Variants in MMP16 observed in about 807,000 individuals in gnomAD.
MMP16 encodes matrix metalloproteinase-16.
MMP16 carries 12 observed loss-of-function variants against 67.8 expected under a neutral mutation model. The ratio of observed to expected loss-of-function variants is 0.18; its 90% CI spans 0.11 to 0.29. The LOEUF is 0.29. MMP16 is among the 10% of genes least tolerant of loss of function. MMP16 has a pLI of 1.00. For synonymous variants in MMP16, 249 were observed against 255.9 expected (o/e 0.97, Z 0.26); for missense variants, 475 against 765.7 (o/e 0.62, Z 4.48).
intron 7 of MMP16, among the ~76,000 whole-genome samples, chr8:88,059,531 C>T (rs563704206): frequency 6.6e-5 from 10 of 152,154 alleles, no homozygotes; most frequent in African/African-American, 1.9e-4. Flanking sequence ...ACTAGTTATT[C>T]GTGGCTGACA....
chr8:88,160,529 A>G (rs1303483253), intron 4 of MMP16, among the ~76,000 whole-genome samples: 1 of 152,114 alleles, frequency 6.6e-6, no homozygotes, highest in Non-Finnish European at 1.5e-5. Flanking sequence ...AACACATGAA[A>G]AAATGCTCAC....
chr8:88,191,698 C>CATTAG (rs1809171870), intron 2 of MMP16, among the ~76,000 whole-genome samples: 2 of 152,112 alleles, frequency 1.3e-5, no homozygotes, highest in Admixed American at 6.6e-5. Flanking sequence ...TGAAAGTGTC[C>CATTAG]ATTAGCTTCA....
chr8:88,311,386 T>C (rs545306869), intron 1 of MMP16, among the ~76,000 whole-genome samples: 1 of 152,284 alleles, frequency 6.6e-6, no homozygotes, highest in South Asian at 2.1e-4. Context: ...GCCTTTTTAC[T>C]CTCATTCACT....
intron 1 of MMP16, among the ~76,000 whole-genome samples, chr8:88,289,131 G>C (rs949665188): frequency 7.3e-5 from 11 of 151,652 alleles, no homozygotes; most frequent in African/African-American, 2.4e-4. Context: ...CAGAGACAGA[G>C]ACAGAGAGAG....
intron 1 of MMP16, among the ~76,000 whole-genome samples, chr8:88,325,685 C>G (rs562766549): frequency 6.6e-6 from 1 of 152,262 alleles, no homozygotes; most frequent in East Asian, 1.9e-4. Flanking sequence ...CTCTTTTTAT[C>G]TAGAAAAATA....
At chr8:88,065,266 ATGT>A (rs1374561916) in intron 7 of MMP16, among the ~76,000 whole-genome samples, 2 of 152,108 alleles carry the variant, frequency 1.3e-5, no homozygotes, top group East Asian at 3.9e-4. Flanking sequence ...AAACAAAGTG[ATGT>A]TATAACAGTT....
chr8:88,320,220 A>T lies in MMP16; in HGVS notation c.132+6855T>A, dbSNP rs186562069. On this transcript the variant is annotated intron_variant, in intron 1 of 9. Transcript: ENST00000286614. ...GGATTTTAAACTCTGCTTTCATTGA[A>T]AAGTATTTATTCAATAAGGACTCAT... Among the ~76,000 whole-genome samples the T allele has an allele frequency of 1.2e-3, 190 of 152,316 alleles. 2 individuals are homozygous for T. The highest frequency in any genetic ancestry group is 4.2e-3 in the African/African-American group (175 of 41,570).
At chr8:88,282,449 G>C (rs2129997312) in intron 1 of MMP16, among the ~76,000 whole-genome samples, 1 of 152,304 alleles carries the variant, frequency 6.6e-6, no homozygotes, top group East Asian at 1.9e-4. Context: ...TAATTCAATA[G>C]AATCTATGAG....
chr8:88,080,567 C>T (rs576802772), intron 6 of MMP16, among the ~76,000 whole-genome samples: 3 of 152,224 alleles, frequency 2.0e-5, no homozygotes, highest in African/African-American at 7.2e-5. Context: ...TCCTGAGTAG[C>T]TGGAACTACA....
chr8:88,310,859 C>A (rs1009846547), intron 1 of MMP16, among the ~76,000 whole-genome samples: 2 of 152,058 alleles, frequency 1.3e-5, no homozygotes, highest in Non-Finnish European at 2.9e-5. Context: ...TATTTCTAGA[C>A]ACAGGAAGAC....
intron 3 of MMP16, among the ~76,000 whole-genome samples, chr8:88,169,261 T>G (rs1277174587): frequency 6.6e-6 from 1 of 152,196 alleles, no homozygotes; most frequent in Non-Finnish European, 1.5e-5. Context: ...CATATTATAT[T>G]TTTAACCTGA....
chr8:88,135,623 A>G (rs979465580), intron 4 of MMP16, among the ~76,000 whole-genome samples: 2 of 151,886 alleles, frequency 1.3e-5, no homozygotes, highest in Non-Finnish European at 2.9e-5. Flanking sequence ...GTCATGGATG[A>G]CATAACAGAC....
At position 88,240,751 on chromosome 8, in the gene MMP16, T is replaced by G. The variant is rs139911665; in HGVS notation, c.133-43445A>C. Among the ~76,000 whole-genome samples the G allele has an allele frequency of 2.6e-3, 397 of 152,216 alleles. 2 individuals carry two copies. Among genetic ancestry groups the G allele is most frequent in the African/African-American group, 9.0e-3 (373 of 41,544 alleles). ...TATTGGCATAAAGGTGATCAAAATA[T>G]CCTCTTATCATTAGTTCCACATCTA... On this transcript the variant is annotated intron_variant, in intron 1 of 9. Coordinates refer to ENST00000286614, the MANE Select transcript of MMP16 (RefSeq NM_005941.5).
chr8:88,311,836 T>C (rs1356885746), intron 1 of MMP16, among the ~76,000 whole-genome samples: 2 of 152,156 alleles, frequency 1.3e-5, no homozygotes, highest in Non-Finnish European at 2.9e-5. Flanking sequence ...AGGTCTTGCA[T>C]GCCATGTTAT....
At position 88,037,734 on chromosome 8, in the gene MMP16, C is replaced by G. The variant is rs1446548695; in HGVS notation, c.*3727G>C. ...AAACTGATCAGCTATTTTAATACTT[C>G]ATTGCATTTGTTTAATAATACACAG... On this transcript the variant is annotated 3_prime_UTR_variant, in exon 10 of 10. Coordinates refer to ENST00000286614, the MANE Select transcript of MMP16 (RefSeq NM_005941.5). 6.6e-6 allele frequency: 1 copy of G among 151,972 alleles called. No individual in the cohort carries two copies. Among genetic ancestry groups the G allele is most frequent in the African/African-American group, 2.4e-5 (1 of 41,426 alleles). 9.4% of individuals were successfully genotyped at this position (151,972 alleles called of 1,614,324 possible). A position where few individuals can be genotyped will look rare whatever the true frequency, so the allele number is the denominator to read the frequency against.
chr8:88,095,440 G>T (rs912963261), intron 6 of MMP16, among the ~76,000 whole-genome samples: 10 of 151,684 alleles, frequency 6.6e-5, no homozygotes, highest in Non-Finnish European at 1.2e-4. Flanking sequence ...TTCCCCATCC[G>T]TACCATGGGG....
At chr8:88,285,378 G>A (rs1397750063) in intron 1 of MMP16, among the ~76,000 whole-genome samples, 4 of 152,078 alleles carry the variant, frequency 2.6e-5, no homozygotes, top group Admixed American at 2.6e-4. Context: ...GACCTCAGGC[G>A]ATCCACCCAC....
At chr8:88,055,947 T>C (rs577602178) in intron 8 of MMP16, among the ~76,000 whole-genome samples, 181 bp downstream of exon 8, 1 of 152,340 alleles carries the variant, frequency 6.6e-6, no homozygotes, top group East Asian at 1.9e-4. Flanking sequence ...ATTAGCTGAA[T>C]ATATTAGAGA....
At chr8:88,318,642 T>C (rs551681354) in intron 1 of MMP16, among the ~76,000 whole-genome samples, 152 of 152,248 alleles carry the variant, frequency 1.0e-3, no homozygotes, top group Non-Finnish European at 8.1e-4. Flanking sequence ...CAGCACTTCA[T>C]AGCAATATAA....
Sources: allele counts gnomAD v4.1 joint callset (sites outside exome capture counted in the v4.1 genomes callset), GRCh38; gene constraint gnomAD v4.1.1; transcripts MANE v1.5; gene names NCBI Gene and HGNC (gene_info 2026-07-23, HGNC 2026-07-21).